PPM1L: variants seen among roughly 807,000 people sequenced by gnomAD.
The protein encoded by PPM1L is protein phosphatase 1L.
A neutral mutation model predicts 31.4 loss-of-function variants in PPM1L; 13 were observed. That is an observed-to-expected ratio of 0.41 (90% CI 0.27 to 0.66). The LOEUF (loss-of-function observed/expected upper bound fraction) is 0.66. Ranked by LOEUF, PPM1L falls within the 30% of genes least tolerant of loss-of-function variation. The probability of loss-of-function intolerance (pLI) is 0.29; values close to 1 mark genes in which losing one functional copy is unlikely to be tolerated. For synonymous variants in PPM1L, 184 were observed against 175.4 expected, an observed-to-expected ratio of 1.05 and a Z score of -0.39; for missense variants, 326 against 453.7, an observed-to-expected ratio of 0.72 and a Z score of 2.56.
intron 2 of PPM1L, among the ~76,000 whole-genome samples, chr3:161,032,223 G>T (rs1459933825): frequency 6.6e-6 from 1 of 152,138 alleles, no homozygotes; most frequent in Non-Finnish European, 1.5e-5. Context: ...TTCTGTTAGG[G>T]TTAGGTATTC....
chr3:161,019,346 A>G (rs1360388910), intron 2 of PPM1L, among the ~76,000 whole-genome samples: 1 of 149,748 alleles, frequency 6.7e-6, no homozygotes, highest in African/African-American at 2.4e-5. Flanking sequence ...GGCATGCGCC[A>G]CCATGCCTGG....
At chr3:161,060,763 C>A (rs73021236) in intron 2 of PPM1L, among the ~76,000 whole-genome samples, 61 of 149,976 alleles carry the variant, frequency 4.1e-4, no homozygotes, top group African/African-American at 1.4e-3. Context: ...TTTTTAAACC[C>A]ATGAGATAAG....
intron 2 of PPM1L, among the ~76,000 whole-genome samples, chr3:161,034,690 CG>C (rs989181476): frequency 8.6e-6 from 1 of 116,804 alleles, no homozygotes; most frequent in East Asian, 2.6e-4. Context: ...TGGGGCCTGT[CG>C]GGGGGGTGGA....
At chr3:161,034,512 A>G (rs985523953) in intron 2 of PPM1L, among the ~76,000 whole-genome samples, 6 of 152,234 alleles carry the variant, frequency 3.9e-5, no homozygotes, top group Admixed American at 6.5e-5. Context: ...CCATGCAGCC[A>G]TAAAGAAGGA....
intron 2 of PPM1L, among the ~76,000 whole-genome samples, chr3:161,036,511 A>G (rs926844746): frequency 6.6e-6 from 1 of 152,234 alleles, no homozygotes; most frequent in African/African-American, 2.4e-5. Flanking sequence ...AGCACTTAGA[A>G]CAATGCTTGT....
At chr3:160,935,913 T>C (rs924412888) in intron 1 of PPM1L, among the ~76,000 whole-genome samples, 1 of 152,120 alleles carries the variant, frequency 6.6e-6, no homozygotes, top group African/African-American at 2.4e-5. Context: ...TCAGCCACCA[T>C]TGGTCTCTCA....
intron 2 of PPM1L, among the ~76,000 whole-genome samples, chr3:160,991,373 A>C (rs982166371): frequency 1.3e-5 from 2 of 152,188 alleles, no homozygotes; most frequent in Non-Finnish European, 2.9e-5. Context: ...AAAAAGAAAG[A>C]TGGTGATGGT....
chr3:160,971,757 C>T (rs543817843), intron 2 of PPM1L, among the ~76,000 whole-genome samples: 16 of 152,068 alleles, frequency 1.1e-4, no homozygotes, highest in Non-Finnish European at 2.2e-4. Context: ...GCCATGGCAA[C>T]ACCTACCACA....
intron 2 of PPM1L, among the ~76,000 whole-genome samples, chr3:161,035,191 C>A (rs1323049324): frequency 2.0e-5 from 3 of 149,456 alleles, no homozygotes; most frequent in Admixed American, 1.3e-4. Context: ...CACATGTATC[C>A]CAGAACTTAA....
intron 1 of PPM1L, among the ~76,000 whole-genome samples, chr3:160,848,504 A>G (rs1714152260): frequency 6.6e-6 from 1 of 152,140 alleles, no homozygotes; most frequent in African/African-American, 2.4e-5. Flanking sequence ...TCTTATATCA[A>G]CTATTACATG....
At chr3:160,962,237 C>T (rs1043428018) in intron 2 of PPM1L, among the ~76,000 whole-genome samples, 6 of 150,314 alleles carry the variant, frequency 4.0e-5, no homozygotes, top group Admixed American at 2.0e-4. Flanking sequence ...AAATGTTATT[C>T]GATTCAAATA....
intron 2 of PPM1L, among the ~76,000 whole-genome samples, chr3:160,966,517 G>A (rs759043024): frequency 5.9e-5 from 9 of 151,948 alleles, no homozygotes; most frequent in Non-Finnish European, 1.3e-4. Context: ...TAATTTTAAT[G>A]GCTACATCAT....
intron 1 of PPM1L, among the ~76,000 whole-genome samples, chr3:160,917,156 A>C (rs1016515461): frequency 3.3e-5 from 5 of 152,128 alleles, no homozygotes; most frequent in Non-Finnish European, 7.4e-5. Context: ...GCCCTTATTG[A>C]CTTAGAAGCT....
chr3:160,966,467 A>G (rs931428759), intron 2 of PPM1L, among the ~76,000 whole-genome samples: 9 of 152,154 alleles, frequency 5.9e-5, no homozygotes, highest in African/African-American at 2.2e-4. Flanking sequence ...ATTATTACAT[A>G]AGCACTTCCT....
At chr3:160,885,454 G>T (rs1024356976) in intron 1 of PPM1L, among the ~76,000 whole-genome samples, 1 of 152,188 alleles carries the variant, frequency 6.6e-6, no homozygotes, top group Non-Finnish European at 1.5e-5. Context: ...ACAAACAGTG[G>T]TGATTGGAGA....
At chr3:160,837,551 G>A (rs1713757024) in intron 1 of PPM1L, among the ~76,000 whole-genome samples, 1 of 152,140 alleles carries the variant, frequency 6.6e-6, no homozygotes, top group South Asian at 2.1e-4. Context: ...TTATTGAATA[G>A]CACTGGGGTC....
intron 1 of PPM1L, among the ~76,000 whole-genome samples, chr3:160,835,045 T>A (rs1400367926): frequency 2.3e-5 from 3 of 129,244 alleles, no homozygotes; most frequent in Non-Finnish European, 3.4e-5. Flanking sequence ...TACTACTTCT[T>A]CTTCTTCTTC....
chr3:160,840,368 C>G (rs62270264), intron 1 of PPM1L, among the ~76,000 whole-genome samples: 4,576 of 152,272 alleles, frequency 0.03, 97 homozygotes, highest in Middle Eastern at 0.11. Context: ...TGACCATTTG[C>G]TCACTAGGTA....
At chr3:160,978,081 G>A (rs989253131) in intron 2 of PPM1L, among the ~76,000 whole-genome samples, 3 of 152,156 alleles carry the variant, frequency 2.0e-5, no homozygotes, top group African/African-American at 7.2e-5. Flanking sequence ...AGGAAACAAG[G>A]AAACCTACTA....
Sources: allele counts gnomAD v4.1 joint callset (sites outside exome capture counted in the v4.1 genomes callset), GRCh38; gene constraint gnomAD v4.1.1; transcripts MANE v1.5; gene names NCBI Gene and HGNC (gene_info 2026-07-23, HGNC 2026-07-21).